ITPKB: variants seen among roughly 807,000 people sequenced by gnomAD.
The protein encoded by ITPKB is IP3 3-kinase B.
A neutral mutation model predicts 69.4 loss-of-function variants in ITPKB; 13 were observed. The observed-to-expected ratio is 0.19, with a 90% confidence interval of 0.12 to 0.30. ITPKB has a LOEUF of 0.30. Among genes scored for constraint, ITPKB ranks in the 10% least tolerant of loss-of-function variants. The pLI, the probability that ITPKB is intolerant of heterozygous loss-of-function variation, is 1.00. For missense variants in ITPKB, 1,240 were observed against 1,250.5 expected, an observed-to-expected ratio of 0.99 and a Z score of 0.13; for synonymous variants, 584 against 513.7, an observed-to-expected ratio of 1.14 and a Z score of -1.85.
intron 2 of ITPKB, among the ~76,000 whole-genome samples, chr1:226,705,294 C>G (rs1656771987): frequency 6.6e-6 from 1 of 152,088 alleles, no homozygotes; most frequent in Non-Finnish European, 1.5e-5. Context: ...CTTTGGGAGG[C>G]CAAGGCGGGC....
chr1:226,634,106 TGAG>T lies in ITPKB; in HGVS notation c.*562_*564del, dbSNP rs1402399766. On this transcript the variant is annotated 3_prime_UTR_variant, in exon 8 of 8. Coordinates refer to ENST00000429204, the MANE Select transcript of ITPKB (RefSeq NM_002221.4). The surrounding 1 kb of genome is among the most constrained non-coding windows in gnomAD (Gnocchi z 6.3). ...CCTGGAGAGGCCACCAGGGCATCCCTGAGGCTGCTAATCGGAAGACACTTTGCT... is the reference window on the plus strand; with the variant it reads ...CCTGGAGAGGCCACCAGGGCATCCCTGCTGCTAATCGGAAGACACTTTGCT... The T allele has an allele frequency of 6.5e-6, 1 of 154,736 alleles. No homozygotes were observed. Among genetic ancestry groups the T allele is most frequent in the Non-Finnish European group, 1.4e-5 (1 of 69,526 alleles). The allele number at this position is 154,736 out of a possible 1,614,324, so 9.6% of individuals were successfully genotyped here.
rs768048863 is a variant in ITPKB, at chr1:226,695,874, C to A, written c.1932+39653G>T. Among the ~76,000 whole-genome samples the A allele has an allele frequency of 4.0e-5, 6 of 151,892 alleles. No homozygotes were observed. In the South Asian group the frequency reaches 1.0e-3, roughly 26 times the overall value. On this transcript the variant is annotated intron_variant, in intron 2 of 7. Coordinates refer to ENST00000429204, the MANE Select transcript of ITPKB (RefSeq NM_002221.4). ...AGCCCCCCAAACCCAGGGGGCAAGACAGTAAGATGAGGGAAGAGAGGGAAG... is the reference window on the plus strand; with the variant it reads ...AGCCCCCCAAACCCAGGGGGCAAGAAAGTAAGATGAGGGAAGAGAGGGAAG...
chr1:226,739,124 T>C lies in ITPKB; in HGVS notation c.-289A>G, dbSNP rs1432347840. Reference sequence around the variant, plus strand: ...CGTAGGGACGAGATGGCTTTAAAAGTAAAAATGCTCAGAAATTATTTTCTC... The same window carrying C: ...CGTAGGGACGAGATGGCTTTAAAAGCAAAAATGCTCAGAAATTATTTTCTC... On this transcript the variant is annotated 5_prime_UTR_variant, in exon 1 of 8. Transcript: ENST00000429204. The C allele has an allele frequency of 6.6e-6, 1 of 152,024 alleles. No homozygotes were observed. The highest frequency in any genetic ancestry group is 1.5e-5 in the Non-Finnish European group (1 of 67,994). 9.4% of individuals were successfully genotyped at this position (152,024 alleles called of 1,614,324 possible). A position where few individuals can be genotyped will look rare whatever the true frequency, so the allele number is the denominator to read the frequency against.
intron 2 of ITPKB, chr1:226,676,239 G>A (rs960091484): frequency 6.6e-6 from 1 of 152,210 alleles, no homozygotes; most frequent in African/African-American, 2.4e-5. Context: ...AAACAGGGTT[G>A]GTTTGGGATG....
At chr1:226,707,815 T>C in intron 2 of ITPKB, 1 of 1,134,810 alleles carries the variant, frequency 8.8e-7, no homozygotes, top group Non-Finnish European at 1.1e-6. Flanking sequence ...GCTCAGTCTT[T>C]CCAGAGAGTA....
Position 226,736,293 on chromosome 1 carries a change from A to C in ITPKB, c.1166T>G (p.Val389Gly), listed in dbSNP as rs1657758304. The C allele has an allele frequency of 1.9e-6, 3 of 1,604,132 alleles. No homozygotes were observed. The East Asian group carries it at 6.7e-5, about 36-fold the overall frequency. ...AGTCGTCTCCTCTGGCCTTTTGCCC[A>C]CTTCAGGCTCCCCAGAGCCCGGCAT... ...CGMPGSGEPE[V>G]GKRPEETTVS... is the part of the protein sequence containing the mutation. Residue 389 changes from valine to glycine, a missense_variant, in exon 2 of 8, where the codon GTG becomes GGG. Coordinates refer to ENST00000429204, the MANE Select transcript of ITPKB (RefSeq NM_002221.4).
In ITPKB at chr1:226,634,970, G is replaced by A; in HGVS notation, c.2626-84C>T. On this transcript the variant is annotated intron_variant, in intron 7 of 7. Transcript: ENST00000429204. The surrounding 1 kb of genome is among the most constrained non-coding windows in gnomAD (Gnocchi z 6.3). ...CGGCCCGGGGCCTGGGTGACCAGGT[G>A]GGGAGGCTCGCTCAGGCCGGACAGT... 2 of 1,048,740 alleles carry A rather than the reference G, an allele frequency of 1.9e-6. No individual in the cohort carries two copies. Among genetic ancestry groups the A allele is most frequent in the Non-Finnish European group, 2.8e-6 (2 of 710,920 alleles). 65.0% of individuals were successfully genotyped at this position (1,048,740 alleles called of 1,614,324 possible).
chr1:226,705,469 C>T (rs963713824), intron 2 of ITPKB, among the ~76,000 whole-genome samples: 8 of 149,244 alleles, frequency 5.4e-5, no homozygotes, highest in African/African-American at 1.5e-4. Context: ...GCAGAGGTTG[C>T]GGTGAGCCAA....
rs1023760497 is a variant in ITPKB at position 226,737,504 on chromosome 1, T to G, written c.-46A>C. 3 of 1,465,124 alleles carry G rather than the reference T, an allele frequency of 2.0e-6. No individual in the cohort carries two copies. Among genetic ancestry groups the G allele is most frequent in the Admixed American group, 2.3e-5 (1 of 42,732 alleles). 90.8% of individuals were successfully genotyped at this position (1,465,124 alleles called of 1,614,324 possible). On this transcript the variant is annotated 5_prime_UTR_variant, in exon 2 of 8. Transcript: ENST00000429204. ...CCGCCGCCGCGGCTCCCGCTCCTGC[T>G]CCGCCGCCGGCGCCTCCTCCTCCCG...
intron 2 of ITPKB, among the ~76,000 whole-genome samples, chr1:226,718,720 G>A (rs770722994): frequency 6.6e-6 from 1 of 152,180 alleles, no homozygotes; most frequent in Admixed American, 6.5e-5. Context: ...TAAATAAAAC[G>A]CTGGCAAGGA....
intron 2 of ITPKB, among the ~76,000 whole-genome samples, chr1:226,721,797 T>TTTTTC (rs958174767): frequency 7.0e-6 from 1 of 142,570 alleles, no homozygotes; most frequent in South Asian, 2.2e-4. Context: ...ACCTGGCCTT[T>TTTTTC]TTTTCTTTTC....
In ITPKB at chr1:226,736,816, T is replaced by C; in HGVS notation, c.643A>G (p.Thr215Ala). The C allele has an allele frequency of 6.2e-7, 1 of 1,612,898 alleles. No homozygotes were observed. Among genetic ancestry groups the C allele is most frequent in the Non-Finnish European group, 8.5e-7 (1 of 1,180,010 alleles). The change falls in exon 2 of 8, where the codon ACC becomes GCC. Residue 215 changes from threonine (T) to alanine (A), a missense_variant. Coordinates refer to ENST00000429204, the MANE Select transcript of ITPKB (RefSeq NM_002221.4). Reference protein sequence around the residue: ...WGEQCPETSGTDSGRKGGPSL... With the variant: ...WGEQCPETSGADSGRKGGPSL... ...GGCCCTCCTTTCCTCCCGGAGTCGGTTCCTGAAGTCTCTGGACATTGCTCC... is the reference window on the plus strand; with the variant it reads ...GGCCCTCCTTTCCTCCCGGAGTCGGCTCCTGAAGTCTCTGGACATTGCTCC...
At chr1:226,649,161 C>T (rs1669120316) in intron 2 of ITPKB, among the ~76,000 whole-genome samples, 1 of 152,228 alleles carries the variant, frequency 6.6e-6, no homozygotes, top group South Asian at 2.1e-4. Flanking sequence ...AGAACAGAAC[C>T]TGCACCGATG....
chr1:226,732,537 GTTC>G (rs1377839587), intron 2 of ITPKB, among the ~76,000 whole-genome samples: 3 of 146,602 alleles, frequency 2.0e-5, no homozygotes, highest in Non-Finnish European at 1.5e-5. Flanking sequence ...CGTGCCCAGC[GTTC>G]TTTTGTTTTT....
At chr1:226,719,990 C>A (rs1657193099) in intron 2 of ITPKB, among the ~76,000 whole-genome samples, 1 of 152,240 alleles carries the variant, frequency 6.6e-6, no homozygotes, top group South Asian at 2.1e-4. Flanking sequence ...CAATGAGGAG[C>A]TTTAACCTTT....
In ITPKB at chr1:226,736,308, G is replaced by A. The variant is rs201649438; in HGVS notation, c.1151C>T (p.Ser384Phe). 5.0e-6 allele frequency: 8 copies of A among 1,609,644 alleles called. No homozygotes were observed. In the East Asian group the frequency reaches 1.3e-4, roughly 27 times the overall value. Residue 384 changes from serine to phenylalanine, a missense_variant, in exon 2 of 8, where the codon TCT (serine) becomes TTT (phenylalanine). Ser to Phe is a radical substitution (Grantham distance 155). Coordinates refer to ENST00000429204, the MANE Select transcript of ITPKB (RefSeq NM_002221.4). ...CCTTTTGCCCACTTCAGGCTCCCCA[G>A]AGCCCGGCATGCCACAGGGCAGATA... ...KGYLPCGMPG[S>F]GEPEVGKRPE...
Position 226,737,031 on chromosome 1 carries a change from A to C in ITPKB, c.428T>G (p.Val143Gly), listed in dbSNP as rs1657802683. The change falls in exon 2 of 8, where the codon GTG (valine) becomes GGG (glycine). Residue 143 changes from valine to glycine, a missense_variant. Val to Gly is a moderately radical substitution (Grantham distance 109, BLOSUM62 -3). This residue lies in a region of ITPKB where 992 missense variants were observed against 853.8 expected (regional missense o/e 1.16). Coordinates refer to ENST00000429204, the MANE Select transcript of ITPKB (RefSeq NM_002221.4). ...ILQRELQNVQ[V>G]NQKVGMFEAH... is the part of the protein sequence containing the mutation. ...CTCAAACATGCCCACTTTCTGGTTCACCTGCACGTTCTGCAACTCGCGCTG... is the reference window on the plus strand; with the variant it reads ...CTCAAACATGCCCACTTTCTGGTTCCCCTGCACGTTCTGCAACTCGCGCTG... 23 of 1,612,436 alleles carry C rather than the reference A, an allele frequency of 1.4e-5. No individual in the cohort carries two copies. The highest frequency in any genetic ancestry group is 1.9e-5 in the Non-Finnish European group (22 of 1,179,922).
chr1:226,731,483 G>T (rs1339911663), intron 2 of ITPKB, among the ~76,000 whole-genome samples: 2 of 152,190 alleles, frequency 1.3e-5, no homozygotes, highest in African/African-American at 2.4e-5. Flanking sequence ...CACCTAAGAA[G>T]TCTTGTCGCA....
rs150222690 is a variant in ITPKB at position 226,671,193 on chromosome 1, G to T, written c.1933-22422C>A. On this transcript the variant is annotated intron_variant, in intron 2 of 7. Coordinates refer to ENST00000429204, the MANE Select transcript of ITPKB (RefSeq NM_002221.4). ...CTCTAGAAGCCCAGGAACATTAGTG[G>T]AGGACCATTCGGATGACAGACAGCA... Among the ~76,000 whole-genome samples, 256 of 152,318 alleles carry T rather than the reference G, an allele frequency of 1.7e-3. 2 individuals are homozygous for T. Among genetic ancestry groups the T allele is most frequent in the African/African-American group, 6.0e-3 (249 of 41,566 alleles).
Sources: allele counts gnomAD v4.1 joint callset (sites outside exome capture counted in the v4.1 genomes callset), GRCh38; gene constraint gnomAD v4.1.1; regional missense constraint gnomAD v4.1.1; non-coding constraint Gnocchi (gnomAD v3.1); transcripts MANE v1.5; gene names NCBI Gene and HGNC (gene_info 2026-07-23, HGNC 2026-07-21).